Variants in PPFIBP2 observed in about 807,000 individuals in gnomAD.
PPFIBP2 encodes PPFIB scaffold protein 2, also known as liprin-beta-2.
In PPFIBP2, 118 loss-of-function variants were observed where a neutral mutation model predicts 118.3. The ratio of observed to expected loss-of-function variants is 1.00; its 90% CI spans 0.86 to 1.16. The LOEUF is 1.16. Ranked by LOEUF, PPFIBP2 falls within the 50% of genes most tolerant of loss-of-function variation. The pLI is 0.00. For synonymous variants in PPFIBP2, 414 were observed against 397.4 expected, an observed-to-expected ratio of 1.04 and a Z score of -0.50; for missense variants, 1,195 against 1,073.1, an observed-to-expected ratio of 1.11 and a Z score of -1.59.
At chr11:7,611,506 A>G (rs1023696938) in intron 6 of PPFIBP2, among the ~76,000 whole-genome samples, 1 of 152,244 alleles carries the variant, frequency 6.6e-6, no homozygotes, top group Non-Finnish European at 1.5e-5. Flanking sequence ...ATGTTCATTA[A>G]TTAGAAGTAC....
chr11:7,641,572 C>T lies in PPFIBP2; in HGVS notation c.1469C>T (p.Thr490Ile), dbSNP rs1565110231. 1 of 1,613,974 alleles carries T rather than the reference C, an allele frequency of 6.2e-7. No homozygotes were observed. Among genetic ancestry groups the T allele is most frequent in the East Asian group, 2.2e-5 (1 of 44,884 alleles). The change falls in exon 16 of 24, where the codon ACA becomes ATA. Residue 490 changes from threonine (T) to isoleucine (I), a missense_variant. Physicochemically the swap from Thr to Ile is moderately conservative, Grantham distance 89. Transcript: ENST00000299492. The part of the protein sequence containing the change: ...GTESGPQSPL[T>I]PDGKRNPKGI... The stretch of plus-strand genomic sequence containing the variant: ...GAATCAGGTCCTCAGTCTCCTCTGA[C>T]ACCAGATGGTAAACGGAATCCCAAA...
chr11:7,531,836 A>T (rs935625006), intron 1 of PPFIBP2, among the ~76,000 whole-genome samples: 2 of 149,126 alleles, frequency 1.3e-5, no homozygotes, highest in East Asian at 2.0e-4. Flanking sequence ...TTTTTTATTA[A>T]TTTTTTTTTT....
chr11:7,542,354 A>G (rs1851880159), intron 1 of PPFIBP2, among the ~76,000 whole-genome samples: 1 of 152,222 alleles, frequency 6.6e-6, no homozygotes, highest in South Asian at 2.1e-4. Context: ...TAATCTTGGC[A>G]CTGTGCCTGC....
At position 7,639,606 on chromosome 11, in the gene PPFIBP2, G is replaced by A. The variant is rs1851869378; in HGVS notation, c.1237-126G>A. 31 of 1,172,826 alleles carry A rather than the reference G, an allele frequency of 2.6e-5. No individual in the cohort carries two copies. In the South Asian group the frequency reaches 3.9e-4, roughly 15 times the overall value. 72.7% of individuals were successfully genotyped at this position (1,172,826 alleles called of 1,614,324 possible). On this transcript the variant is annotated intron_variant, in intron 14 of 23. Coordinates refer to ENST00000299492, the MANE Select transcript of PPFIBP2 (RefSeq NM_003621.5). ...CGGACTAGCTAAATAATCTTTGAGG[G>A]GTGTTCAAGTCACCATATGTGAAAA...
chr11:7,666,168 G>A, the PPFIBP2 span: 2 of 599,798 alleles, frequency 3.3e-6, no homozygotes, highest in South Asian at 4.0e-5. Context: ...TGGAATGGGT[G>A]GGTGTTCACA....
intron 8 of PPFIBP2, 29 bp from the exon 9 acceptor site, chr11:7,628,256 T>G: frequency 6.3e-7 from 1 of 1,589,216 alleles, no homozygotes; most frequent in Non-Finnish European, 8.6e-7. Context: ...TTTATATAAA[T>G]AATTATTTCT....
chr11:7,577,929 T>C (rs1222757891), intron 3 of PPFIBP2, among the ~76,000 whole-genome samples: 1 of 152,172 alleles, frequency 6.6e-6, no homozygotes. Flanking sequence ...AGTCAGAGGC[T>C]CCAAACACCG....
At chr11:7,550,092 T>G (rs1412726884) in intron 2 of PPFIBP2, among the ~76,000 whole-genome samples, 2 of 152,246 alleles carry the variant, frequency 1.3e-5, no homozygotes, top group African/African-American at 4.8e-5. Context: ...TTAGAAAAGA[T>G]CTAGCAAAGC....
intron 5 of PPFIBP2, chr11:7,598,182 TCTC>T (rs1178943935): frequency 5.6e-6 from 1 of 179,304 alleles, no homozygotes; most frequent in South Asian, 1.1e-4. Flanking sequence ...AATAATGTCT[TCTC>T]CTTGTTTTCT....
chr11:7,546,033 G>C (rs921283758), intron 1 of PPFIBP2, among the ~76,000 whole-genome samples: 3 of 152,188 alleles, frequency 2.0e-5, no homozygotes, highest in African/African-American at 7.2e-5. Context: ...AGAACTTCCA[G>C]GTTGGTGAAC....
chr11:7,553,721 G>T (rs1346323683), intron 2 of PPFIBP2, among the ~76,000 whole-genome samples: 2 of 152,186 alleles, frequency 1.3e-5, no homozygotes, highest in African/African-American at 4.8e-5. Context: ...CACCTAGAAA[G>T]TGCTTAATTG....
At chr11:7,638,963 G>A (rs12290668) in intron 14 of PPFIBP2, among the ~76,000 whole-genome samples, 71 of 152,256 alleles carry the variant, frequency 4.7e-4, no homozygotes, top group African/African-American at 1.6e-3. Context: ...TAGTCCTCTG[G>A]CCCATTTCTT....
intron 3 of PPFIBP2, chr11:7,577,632 G>A (rs1856625086): frequency 2.2e-6 from 1 of 456,256 alleles, no homozygotes; most frequent in Admixed American, 2.4e-5. Context: ...TCTCGTGGCT[G>A]AAGAGGGTAA....
chr11:7,558,867 C>T (rs927466686), intron 2 of PPFIBP2, among the ~76,000 whole-genome samples: 2 of 152,134 alleles, frequency 1.3e-5, no homozygotes, highest in African/African-American at 2.4e-5. Context: ...TTTGGTTTTG[C>T]TCCTTAAAAT....
At chr11:7,586,944 C>A (rs771963462) in intron 3 of PPFIBP2, among the ~76,000 whole-genome samples, 3 of 152,160 alleles carry the variant, frequency 2.0e-5, no homozygotes, top group Non-Finnish European at 4.4e-5. Context: ...ATTTACCCTT[C>A]ATTTATTCAT....
At chr11:7,577,582 G>T (rs766622751) in intron 3 of PPFIBP2, 2 of 456,676 alleles carry the variant, frequency 4.4e-6, no homozygotes, top group South Asian at 3.1e-5. Context: ...GCTGACATGG[G>T]TGCCCAGCAT....
chr11:7,666,386 C>A, the PPFIBP2 span: 2 of 1,011,316 alleles, frequency 2.0e-6, no homozygotes, highest in South Asian at 2.7e-5. Context: ...GAGACAGAGA[C>A]CAGTCCTCAA....
At chr11:7,631,628 A>G (rs1850769226) in intron 11 of PPFIBP2, among the ~76,000 whole-genome samples, 1 of 152,168 alleles carries the variant, frequency 6.6e-6, no homozygotes, top group South Asian at 2.1e-4. Flanking sequence ...CCTCAGGTGA[A>G]GGAGGGGCTT....
At chr11:7,599,460 C>G (rs1860994910) in intron 5 of PPFIBP2, among the ~76,000 whole-genome samples, 1 of 152,150 alleles carries the variant, frequency 6.6e-6, no homozygotes, top group African/African-American at 2.4e-5. Context: ...TTCTCTGAGC[C>G]TTCTCTACAT....
Sources: gnomAD v4.1 joint callset for allele counts (sites outside exome capture counted in the v4.1 genomes callset) on GRCh38, gnomAD v4.1.1 for gene constraint, MANE v1.5 for transcripts, NCBI Gene and HGNC (gene_info 2026-07-23, HGNC 2026-07-21) for gene names.